The following GNAL variants were observed in gnomAD, a reference collection of about 807,000 sequenced individuals.
GNAL encodes the protein guanine nucleotide-binding protein G(olf) subunit alpha.
GNAL carries 18 observed loss-of-function variants against 55.1 expected under a neutral mutation model. That is an observed-to-expected ratio of 0.33 (90% CI 0.23 to 0.48). The LOEUF (loss-of-function observed/expected upper bound fraction) is 0.48. GNAL is among the 20% of genes least tolerant of loss of function. GNAL has a pLI of 0.99. For missense variants in GNAL, 412 were observed against 614.1 expected, an observed-to-expected ratio of 0.67 and a Z score of 3.48; for synonymous variants, 253 against 237.0, an observed-to-expected ratio of 1.07 and a Z score of -0.62.
chr18:11,827,646 G>A (rs28690612), intron 5 of GNAL, among the ~76,000 whole-genome samples: 48,219 of 151,350 alleles, frequency 0.32, 9,430 homozygotes, highest in African/African-American at 0.56. Context: ...AAAATGTCCT[G>A]TTTCCTGCCA....
intron 4 of GNAL, among the ~76,000 whole-genome samples, chr18:11,818,927 C>T (rs2035024270): frequency 6.6e-6 from 1 of 152,240 alleles, no homozygotes; most frequent in Non-Finnish European, 1.5e-5. Context: ...CATTTTCACA[C>T]TCAACCCAGG....
chr18:11,871,096 G>A (rs1197361413), intron 9 of GNAL, among the ~76,000 whole-genome samples: 2 of 152,054 alleles, frequency 1.3e-5, no homozygotes, highest in African/African-American at 4.8e-5. Context: ...TAAAATTTCT[G>A]TAGTAATTGT....
chr18:11,751,912 A>T lies in GNAL; in HGVS notation c.377-941A>T, dbSNP rs950195638. Among the ~76,000 whole-genome samples, 44 of 152,268 alleles carry T rather than the reference A, an allele frequency of 2.9e-4. No individual in the cohort carries two copies. Among genetic ancestry groups the T allele is most frequent in the African/African-American group, 1.1e-3 (44 of 41,578 alleles). On this transcript the variant is annotated intron_variant, in intron 1 of 11. Coordinates refer to ENST00000334049, the MANE Select transcript of GNAL (RefSeq NM_182978.4). This position sits in a 1 kb window ranked among gnomAD's most constrained non-coding sequence, Gnocchi z 4.5. ...ATAGCAGGGCGCGAGCCGGCCCGGCAGGTGCCCATCGTCGCCCTCTGGGAC... is the reference window on the plus strand; with the variant it reads ...ATAGCAGGGCGCGAGCCGGCCCGGCTGGTGCCCATCGTCGCCCTCTGGGAC...
At chr18:11,780,649 C>A (rs2143349811) in intron 4 of GNAL, among the ~76,000 whole-genome samples, 1 of 152,298 alleles carries the variant, frequency 6.6e-6, no homozygotes, top group South Asian at 2.1e-4. Context: ...CAGACACAGT[C>A]TTAGCCAATC....
At position 11,868,960 on chromosome 18, in the gene GNAL, T is replaced by C. The variant is rs2036327881; in HGVS notation, c.1031+297T>C. Among the ~76,000 whole-genome samples the C allele has an allele frequency of 6.6e-6, 1 of 151,832 alleles. No individual in the cohort carries two copies. The highest frequency in any genetic ancestry group is 2.4e-5 in the African/African-American group (1 of 41,306). ...AGGTAAGGGTTGCAATGAGCTGAGA[T>C]CACACTACTGCACTCCTGCCTGGGC... On this transcript the variant is annotated intron_variant, in intron 9 of 11. Coordinates refer to ENST00000334049, the MANE Select transcript of GNAL (RefSeq NM_182978.4). This position sits in a 1 kb window ranked among gnomAD's most constrained non-coding sequence, Gnocchi z 4.0.
intron 1 of GNAL, among the ~76,000 whole-genome samples, chr18:11,716,802 C>T (rs866040220): frequency 5.3e-5 from 8 of 152,350 alleles, no homozygotes; most frequent in African/African-American, 1.4e-4. Flanking sequence ...ATACAGAGTG[C>T]CGATTGGTGT....
intron 4 of GNAL, among the ~76,000 whole-genome samples, chr18:11,814,063 A>G (rs540305032): frequency 9.5e-4 from 145 of 152,298 alleles, no homozygotes; most frequent in African/African-American, 3.5e-3. Context: ...TCATAGGCCT[A>G]AATGTAAGAG....
Position 11,728,607 on chromosome 18 carries a change from C to T in GNAL, c.377-24246C>T, listed in dbSNP as rs193150913. ...AGGTGTTTGTTCTTGTCCCAAACCT[C>T]AAAGTTTCTTTTTAAGATAAATCTG... On this transcript the variant is annotated intron_variant, in intron 1 of 11. Coordinates refer to ENST00000334049, the MANE Select transcript of GNAL (RefSeq NM_182978.4). 3.9e-5 allele frequency among the ~76,000 whole-genome samples: 6 copies of T among 152,258 alleles called. No individual in the cohort carries two copies. In the South Asian group the frequency reaches 6.2e-4, roughly 16 times the overall value.
At chr18:11,720,129 G>A (rs8097457) in intron 1 of GNAL, among the ~76,000 whole-genome samples, 3,121 of 152,308 alleles carry the variant, frequency 0.02, 100 homozygotes, top group African/African-American at 0.071. Context: ...ACTGTGAACT[G>A]TATTTTGAAT....
At chr18:11,690,259 C>A (rs576523363) in intron 1 of GNAL, among the ~76,000 whole-genome samples, 2 of 152,114 alleles carry the variant, frequency 1.3e-5, no homozygotes, top group Non-Finnish European at 2.9e-5. Flanking sequence ...TGATCACCTT[C>A]CACAGGGTCG....
chr18:11,736,082 G>C (rs2032456680), intron 1 of GNAL, among the ~76,000 whole-genome samples: 1 of 152,172 alleles, frequency 6.6e-6, no homozygotes, highest in Non-Finnish European at 1.5e-5. Flanking sequence ...TCTTCCCACA[G>C]AGGGAGAGAC....
chr18:11,715,428 T>C (rs1324189370), intron 1 of GNAL, among the ~76,000 whole-genome samples: 45 of 134,802 alleles, frequency 3.3e-4, no homozygotes, highest in Non-Finnish European at 5.3e-4. Context: ...GCCACTGCAC[T>C]CCAGCCTGGG....
intron 5 of GNAL, among the ~76,000 whole-genome samples, chr18:11,831,071 A>G (rs1009757808): frequency 4.6e-5 from 7 of 152,188 alleles, no homozygotes; most frequent in African/African-American, 1.7e-4. Flanking sequence ...ATAGTTGCAC[A>G]ATTTTGTGAA....
At chr18:11,747,891 C>T (rs2032726167) in intron 1 of GNAL, among the ~76,000 whole-genome samples, 1 of 152,084 alleles carries the variant, frequency 6.6e-6, no homozygotes, top group Admixed American at 6.5e-5. Flanking sequence ...CCAGGGCAGC[C>T]CTGGGTCCCC....
chr18:11,711,347 T>C (rs2031834981), intron 1 of GNAL, among the ~76,000 whole-genome samples: 1 of 152,204 alleles, frequency 6.6e-6, no homozygotes, highest in African/African-American at 2.4e-5. Flanking sequence ...TATACATTGA[T>C]TAGCTTAATG....
At chr18:11,833,906 G>C (rs2035444527) in intron 5 of GNAL, among the ~76,000 whole-genome samples, 2 of 152,170 alleles carry the variant, frequency 1.3e-5, no homozygotes. Context: ...AAGTCCCCTG[G>C]TGAGGAGCCG....
chr18:11,766,782 A>G (rs948287465), intron 4 of GNAL, among the ~76,000 whole-genome samples: 1 of 152,206 alleles, frequency 6.6e-6, no homozygotes, highest in African/African-American at 2.4e-5. Flanking sequence ...TTAGACAACC[A>G]TGAAATACTG....
At chr18:11,875,573 C>T (rs2036511615) in intron 10 of GNAL, among the ~76,000 whole-genome samples, 1 of 151,992 alleles carries the variant, frequency 6.6e-6, no homozygotes, top group Non-Finnish European at 1.5e-5. Context: ...GGTGTAGCAC[C>T]TCCCCCATCT....
At chr18:11,721,559 C>A (rs1278268061) in intron 1 of GNAL, among the ~76,000 whole-genome samples, 1 of 152,018 alleles carries the variant, frequency 6.6e-6, no homozygotes, top group Non-Finnish European at 1.5e-5. Context: ...AGTTCCAGAC[C>A]AGACTCGCCA....
Sources: allele counts gnomAD v4.1 joint callset (sites outside exome capture counted in the v4.1 genomes callset), GRCh38; gene constraint gnomAD v4.1.1; non-coding constraint Gnocchi (gnomAD v3.1); transcripts MANE v1.5; gene names NCBI Gene and HGNC (gene_info 2026-07-23, HGNC 2026-07-21).